DHX30: variants seen among roughly 807,000 people sequenced by gnomAD.
DHX30 encodes ATP-dependent RNA helicase DHX30.
In DHX30, 4 loss-of-function variants were observed where a neutral mutation model predicts 116.9. The observed-to-expected ratio is 0.03, with a 90% CI of 0.02 to 0.08. DHX30 has a LOEUF of 0.08. DHX30 is among the 10% of genes least tolerant of loss of function. The pLI, the probability that DHX30 is intolerant of heterozygous loss-of-function variation, is 1.00. For synonymous variants in DHX30, 697 were observed against 651.7 expected (o/e 1.07, Z -1.06); for missense variants, 871 against 1,595.1 (o/e 0.55, Z 7.73).
chr3:47,833,454 C>T (rs1040171854), intron 6 of DHX30, among the ~76,000 whole-genome samples: 1 of 143,002 alleles, frequency 7.0e-6, no homozygotes, highest in Non-Finnish European at 1.5e-5. Context: ...ATTGCTTGAA[C>T]CTGGGAGGCA....
At chr3:47,843,403 C>A (rs1028148592) in intron 9 of DHX30, 148 bp downstream of exon 9, 2 of 1,081,358 alleles carry the variant, frequency 1.8e-6, no homozygotes, top group East Asian at 2.6e-5. Flanking sequence ...GCAGGCCTCG[C>A]TTGTAGGCCC....
chr3:47,841,767 G>A lies in DHX30; in HGVS notation c.789+30G>A, dbSNP rs374735711. The A allele has an allele frequency of 2.9e-5, 47 of 1,613,926 alleles. No homozygotes were observed. The East Asian group carries it at 9.8e-4, about 34-fold the overall frequency. On this transcript the variant is annotated intron_variant, in intron 8 of 21. Transcript: ENST00000445061. The stretch of plus-strand genomic sequence containing the variant: ...GTTGGGTCTCCTAGAAGTTTGTGTG[G>A]GGGCCGTTTACTTGGTCATGTCTGG...
At chr3:47,836,293 C>T (rs1266982071) in intron 6 of DHX30, among the ~76,000 whole-genome samples, 1 of 151,682 alleles carries the variant, frequency 6.6e-6, no homozygotes, top group Non-Finnish European at 1.5e-5. Flanking sequence ...CCACGCCTGG[C>T]CAATTTTTGT....
rs1240793943 is a variant in DHX30 at position 47,850,083 on chromosome 3, G to C, written c.3548G>C (p.Cys1183Ser). The change falls in exon 22 of 22, where the codon TGT becomes TCT. Residue 1183 changes from cysteine (C) to serine (S), a missense_variant. Physicochemically the swap from Cys to Ser is moderately radical, Grantham distance 112. This residue lies in a region of DHX30 where 52 missense variants were observed against 50.1 expected (regional missense o/e 1.04). Transcript: ENST00000445061. The part of the protein sequence containing the change: ...ALLAELLRGP[C>S]GSFDVRKTAD... Reference sequence around the variant, plus strand: ...CTGGCAGAGCTGCTGCGAGGACCCTGTGGCAGCTTTGATGTGCGCAAGACA... The same window carrying C: ...CTGGCAGAGCTGCTGCGAGGACCCTCTGGCAGCTTTGATGTGCGCAAGACA... 2 of 1,596,804 alleles carry C rather than the reference G, an allele frequency of 1.3e-6. No homozygotes were observed. The highest frequency in any genetic ancestry group is 1.3e-5 in the African/African-American group (1 of 74,784).
Position 47,818,024 on chromosome 3 carries a change from C to T in DHX30, c.31C>T (p.Arg11Trp), listed in dbSNP as rs1431016354. Residue 11 changes from arginine (R) to tryptophan (W), a missense_variant and splice_region_variant, in exon 4 of 22, where the codon CGG (arginine) becomes TGG (tryptophan). By Grantham distance (101) the Arg-to-Trp change is moderately radical. This residue lies in a region of DHX30 where 66 missense variants were observed against 153.9 expected (regional missense o/e 0.43). Transcript: ENST00000445061. ...TGATGCCCTCTCTCTTTCCCCAGATCGGGCCCAGCACAGGCAGCGTCAGTG... is the reference window on the plus strand; with the variant it reads ...TGATGCCCTCTCTCTTTCCCCAGATTGGGCCCAGCACAGGCAGCGTCAGTG... MFSLDSFRKD[R>W]AQHRQRQCKL... 2.6e-6 allele frequency: 2 copies of T among 781,020 alleles called. No individual in the cohort carries two copies. Among genetic ancestry groups the T allele is most frequent in the South Asian group, 1.3e-5 (1 of 74,626 alleles). The allele number at this position is 781,020 out of a possible 1,614,324, so 48.4% of individuals were successfully genotyped here.
At chr3:47,818,691 G>A (rs1195435070) in intron 4 of DHX30, among the ~76,000 whole-genome samples, 1 of 152,146 alleles carries the variant, frequency 6.6e-6, no homozygotes, top group African/African-American at 2.4e-5. Flanking sequence ...GCTTACCTCA[G>A]GCCCTATCAG....
intron 4 of DHX30, among the ~76,000 whole-genome samples, chr3:47,827,022 T>C (rs1452001716): frequency 6.6e-6 from 1 of 152,156 alleles, no homozygotes; most frequent in African/African-American, 2.4e-5. Flanking sequence ...GACATCAGAC[T>C]GGGGGGTTTA....
rs772299201 is a variant in DHX30 at position 47,848,436 on chromosome 3, G to A, written c.2494-33G>A. 1.9e-6 allele frequency: 3 copies of A among 1,614,072 alleles called. No individual in the cohort carries two copies. In the East Asian group the frequency reaches 6.7e-5, roughly 36 times the overall value. On this transcript the variant is annotated intron_variant, in intron 15 of 21. Transcript: ENST00000445061. This position sits in a 1 kb window ranked among gnomAD's most constrained non-coding sequence, Gnocchi z 9.4. ...GGCCTGGGGACCAGGCAGGTGGGAGGCAGGCTCATGGCGGGCTCTGGCTCT... is the reference window on the plus strand; with the variant it reads ...GGCCTGGGGACCAGGCAGGTGGGAGACAGGCTCATGGCGGGCTCTGGCTCT...
chr3:47,812,245 TAAATA>T (rs1418048479), intron 3 of DHX30, among the ~76,000 whole-genome samples: 1 of 150,402 alleles, frequency 6.6e-6, no homozygotes. Context: ...AATAAATAAA[TAAATA>T]AAATAAACAA....
intron 6 of DHX30, among the ~76,000 whole-genome samples, chr3:47,834,590 C>T (rs2037019009): frequency 1.3e-5 from 2 of 152,084 alleles, no homozygotes; most frequent in Non-Finnish European, 2.9e-5. Context: ...CCACCTCAAC[C>T]TCTGGAGTAA....
At chr3:47,838,344 ATTAAT>A (rs1339128839) in intron 6 of DHX30, among the ~76,000 whole-genome samples, 3 of 152,272 alleles carry the variant, frequency 2.0e-5, no homozygotes, top group Non-Finnish European at 2.9e-5. Flanking sequence ...CAATTTATGG[ATTAAT>A]TTAAGAGGTT....
chr3:47,849,119 C>T (rs372933152), intron 18 of DHX30, 40 bp downstream of exon 18: 1 of 1,611,804 alleles, frequency 6.2e-7, no homozygotes, highest in Non-Finnish European at 8.5e-7. Flanking sequence ...GCCCCTCCCA[C>T]CCCCACTGAG....
rs2038074128 is a variant in DHX30, at chr3:47,850,055, C to T, written c.3520C>T (p.Leu1174=). Residue 1174 remains leucine (L), a synonymous_variant, in exon 22 of 22, where the codon CTA becomes TTA. Coordinates refer to ENST00000445061, the MANE Select transcript of DHX30 (RefSeq NM_138615.3). ...GGAGGAGCACGGGCAGCTGCTTGCG[C>T]TACTGGCAGAGCTGCTGCGAGGACC... is the stretch of plus-strand genomic sequence containing the variant. ...VQEEHGQLLA[L]LAELLRGPCG... is the part of the protein sequence containing the mutation. 1 of 1,600,524 alleles carries T rather than the reference C, an allele frequency of 6.2e-7. No homozygotes were observed. The highest frequency in any genetic ancestry group is 1.7e-4 in the Middle Eastern group (1 of 5,784).
intron 2 of DHX30, among the ~76,000 whole-genome samples, chr3:47,807,431 C>T (rs986943854): frequency 3.4e-5 from 5 of 148,814 alleles, no homozygotes; most frequent in Non-Finnish European, 6.0e-5. Context: ...TGGCCGGGCA[C>T]GGTGGCTCAT....
At chr3:47,805,287 G>A in intron 1 of DHX30, 39 bp from the exon 2 acceptor site, 1 of 398,934 alleles carries the variant, frequency 2.5e-6, no homozygotes, top group Admixed American at 4.4e-5. Flanking sequence ...CTTTCCCTAT[G>A]GGGCCTCCAC....
Position 47,849,009 on chromosome 3 carries a change from G to A in DHX30, c.2859G>A (p.Gln953=), listed in dbSNP as rs199520705. The part of the protein sequence containing the change: ...VAGWEEVLRW[Q]DRSSRENYLE... Reference sequence around the variant, plus strand: ...GCTGGGAGGAGGTGCTGCGTTGGCAGGACCGCAGCTCCCGGGAGAATTACC... The same window carrying A: ...GCTGGGAGGAGGTGCTGCGTTGGCAAGACCGCAGCTCCCGGGAGAATTACC... Residue 953 remains glutamine (Q), a synonymous_variant, in exon 18 of 22, where the codon CAG becomes CAA. Transcript: ENST00000445061. The A allele has an allele frequency of 5.1e-5, 83 of 1,613,560 alleles. No individual in the cohort carries two copies. In the Middle Eastern group the frequency reaches 1.7e-3, roughly 32 times the overall value.
Position 47,846,677 on chromosome 3 carries a change from C to T in DHX30, c.1605C>T (p.Cys535=). ...PPSRGGALLF[C]TVGILLRKLQ... is the part of the protein sequence containing the mutation. ...CCCGAGGCGGGGCCCTGCTCTTCTG[C>T]ACTGTGGGTATCCTGCTGCGTAAGC... Residue 535 remains cysteine, a synonymous_variant, in exon 11 of 22, where the codon TGC becomes TGT. Coordinates refer to ENST00000445061, the MANE Select transcript of DHX30 (RefSeq NM_138615.3). 2 of 1,614,086 alleles carry T rather than the reference C, an allele frequency of 1.2e-6. No individual in the cohort carries two copies. Among genetic ancestry groups the T allele is most frequent in the Non-Finnish European group, 1.7e-6 (2 of 1,180,036 alleles).
chr3:47,849,118 A>AC (rs752259622), intron 18 of DHX30, 39 bp downstream of exon 18: 16 of 1,610,376 alleles, frequency 9.9e-6, no homozygotes, highest in African/African-American at 1.3e-5. Context: ...AGCCCCTCCC[A>AC]CCCCCACTGA....
At chr3:47,803,417 C>T (rs1052855339) in intron 1 of DHX30, among the ~76,000 whole-genome samples, 3 of 152,054 alleles carry the variant, frequency 2.0e-5, no homozygotes, top group Admixed American at 6.5e-5. Context: ...AGCCAGGCCT[C>T]GGCCTGCCGT....
Sources: gnomAD v4.1 joint callset for allele counts (sites outside exome capture counted in the v4.1 genomes callset) on GRCh38, gnomAD v4.1.1 for gene constraint, gnomAD v4.1.1 regional missense constraint, Gnocchi (gnomAD v3.1) non-coding constraint, MANE v1.5 for transcripts, NCBI Gene and HGNC (gene_info 2026-07-23, HGNC 2026-07-21) for gene names.